The following SLC13A5 variants were observed in gnomAD, a reference collection of about 807,000 sequenced individuals.
SLC13A5 encodes solute carrier family 13 member 5, also known as Na(+)/citrate cotransporter.
In SLC13A5, 25 loss-of-function variants were observed where a neutral mutation model predicts 56.5. That is an observed-to-expected ratio of 0.44 (90% CI 0.32 to 0.62). SLC13A5 has a LOEUF of 0.62. Among genes scored for constraint, SLC13A5 ranks in the 20% least tolerant of loss-of-function variants. The pLI is 0.04. For missense variants in SLC13A5, 649 were observed against 737.8 expected, an observed-to-expected ratio of 0.88 and a Z score of 1.39; for synonymous variants, 307 against 301.5, an observed-to-expected ratio of 1.02 and a Z score of -0.19.
At position 6,685,260 on chromosome 17, in the gene SLC13A5, A is replaced by C. The variant is rs1043271494; in HGVS notation, c.*947T>G. 2 of 152,266 alleles carry C rather than the reference A, an allele frequency of 1.3e-5. No individual in the cohort carries two copies. The highest frequency in any genetic ancestry group is 6.5e-5 in the Admixed American group (1 of 15,290). The allele number at this position is 152,266 out of a possible 1,614,324, so 9.4% of individuals were successfully genotyped here. The stretch of plus-strand genomic sequence containing the variant: ...CTGTGTCCACTCTGGGCCTCAGGTG[A>C]GGGAGGGCCTAGATAGCCCACTGTG... On this transcript the variant is annotated 3_prime_UTR_variant, in exon 12 of 12. Coordinates refer to ENST00000433363, the MANE Select transcript of SLC13A5 (RefSeq NM_177550.5). This position sits in a 1 kb window ranked among gnomAD's most constrained non-coding sequence, Gnocchi z 4.2.
At chr17:6,699,088 T>A (rs1013669619) in intron 6 of SLC13A5, among the ~76,000 whole-genome samples, 1 of 87,074 alleles carries the variant, frequency 1.1e-5, no homozygotes, top group East Asian at 4.5e-4. Flanking sequence ...AATAAATAAA[T>A]AAAATAAAAT....
intron 1 of SLC13A5, among the ~76,000 whole-genome samples, chr17:6,710,960 A>T (rs1209223644): frequency 2.0e-5 from 3 of 152,062 alleles, no homozygotes; most frequent in African/African-American, 4.8e-5. Flanking sequence ...ATTTCATTAA[A>T]TTTTTTTTCA....
intron 3 of SLC13A5, chr17:6,704,292 G>T (rs973552352): frequency 1.5e-6 from 1 of 663,210 alleles, no homozygotes; most frequent in Non-Finnish European, 2.8e-6. Context: ...CATGACTGAT[G>T]TCTACTCTGC....
Position 6,703,049 on chromosome 17 carries a change from A to G in SLC13A5, c.637T>C (p.Cys213Arg), listed in dbSNP as rs746200244. 1 of 1,614,100 alleles carries G rather than the reference A, an allele frequency of 6.2e-7. No homozygotes were observed. Among genetic ancestry groups the G allele is most frequent in the African/African-American group, 1.3e-5 (1 of 74,950 alleles). ...RLCKAMTLCI[C>R]YAASIGGTAT... is the part of the protein sequence containing the mutation. The stretch of plus-strand genomic sequence containing the variant: ...GTGCCCCCGATGCTGGCCGCGTAGC[A>G]GATGCACAGGGTCATGGCCTTACAC... The change falls in exon 5 of 12, where the codon TGC (cysteine) becomes CGC (arginine). Residue 213 changes from cysteine (C) to arginine (R), a missense_variant. Coordinates refer to ENST00000433363, the MANE Select transcript of SLC13A5 (RefSeq NM_177550.5).
At position 6,686,567 on chromosome 17, in the gene SLC13A5, G is replaced by A. The variant is rs143233238; in HGVS notation, c.1576-229C>T. 101 of 499,564 alleles carry A rather than the reference G, an allele frequency of 2.0e-4. No individual in the cohort carries two copies. The East Asian group carries it at 2.3e-3, about 12-fold the overall frequency. 30.9% of individuals were successfully genotyped at this position (499,564 alleles called of 1,614,324 possible). ...GTGGATGGGTTCTCTATGCCCGTGC[G>A]CATTTGGAAAATGACCTCAGAGAAG... On this transcript the variant is annotated intron_variant, in intron 11 of 11. Transcript: ENST00000433363.
intron 1 of SLC13A5, among the ~76,000 whole-genome samples, chr17:6,712,435 C>T (rs1292847701): frequency 6.6e-6 from 1 of 152,244 alleles, no homozygotes; most frequent in Non-Finnish European, 1.5e-5. Flanking sequence ...GCGGCCAAGG[C>T]CATTCATTCT....
In SLC13A5 at chr17:6,701,938, C is replaced by A. The variant is rs904625736; in HGVS notation, c.717-812G>T. Among the ~76,000 whole-genome samples, 2 of 152,154 alleles carry A rather than the reference C, an allele frequency of 1.3e-5. No homozygotes were observed. Among genetic ancestry groups the A allele is most frequent in the East Asian group, 1.9e-4 (1 of 5,168 alleles). Reference sequence around the variant, plus strand: ...CCCGGGGCTCTGCTAGCCCCAGGGGCGCCCCCTTTAGCTCAAGAGTGTCAA... The same window carrying A: ...CCCGGGGCTCTGCTAGCCCCAGGGGAGCCCCCTTTAGCTCAAGAGTGTCAA... On this transcript the variant is annotated intron_variant, in intron 5 of 11. Coordinates refer to ENST00000433363, the MANE Select transcript of SLC13A5 (RefSeq NM_177550.5). This position sits in a 1 kb window ranked among gnomAD's most constrained non-coding sequence, Gnocchi z 4.1.
chr17:6,694,279 A>C (rs1973500278), intron 7 of SLC13A5, 82 bp from the exon 8 acceptor site: 10 of 804,566 alleles, frequency 1.2e-5, no homozygotes, highest in Non-Finnish European at 2.1e-5. Context: ...TTCTGTGTCC[A>C]AATGCTTCTA....
In SLC13A5 at chr17:6,684,910, A is replaced by G. The variant is rs1391852747; in HGVS notation, c.*1297T>C. 1 of 152,162 alleles carries G rather than the reference A, an allele frequency of 6.6e-6. No individual in the cohort carries two copies. Among genetic ancestry groups the G allele is most frequent in the Non-Finnish European group, 1.5e-5 (1 of 68,020 alleles). 9.4% of individuals were successfully genotyped at this position (152,162 alleles called of 1,614,324 possible). A position where few individuals can be genotyped will look rare whatever the true frequency, so the allele number is the denominator to read the frequency against. Reference sequence around the variant, plus strand: ...TACTGCCTCTCTTCCAGAGCAGCACAAGAAGGAAATAAAATGGACTTGCGG... The same window carrying G: ...TACTGCCTCTCTTCCAGAGCAGCACGAGAAGGAAATAAAATGGACTTGCGG... On this transcript the variant is annotated 3_prime_UTR_variant, in exon 12 of 12. Coordinates refer to ENST00000433363, the MANE Select transcript of SLC13A5 (RefSeq NM_177550.5).
intron 3 of SLC13A5, 116 bp downstream of exon 3, chr17:6,706,526 G>C (rs1973867556): frequency 1.4e-6 from 2 of 1,430,066 alleles, no homozygotes; most frequent in Admixed American, 2.4e-5. Flanking sequence ...GCCAAGTCCA[G>C]GTAAGCCCAT....
chr17:6,704,129 G>C, intron 3 of SLC13A5, 73 bp from the exon 4 acceptor site: 1 of 1,513,694 alleles, frequency 6.6e-7, no homozygotes, highest in South Asian at 1.2e-5. Context: ...AAGCAACTGG[G>C]GACTGGGTCC....
rs575087645 is a variant in SLC13A5 at position 6,708,993 on chromosome 17, C to CTTTTTTTTT, written c.103-1846_103-1838dup. Among the ~76,000 whole-genome samples, 378 of 132,982 alleles carry CTTTTTTTTT rather than the reference C, an allele frequency of 2.8e-3. 4 individuals are homozygous for CTTTTTTTTT. The highest frequency in any genetic ancestry group is 4.1e-3 in the Non-Finnish European group (259 of 62,996). 87.2% of individuals were successfully genotyped at this position (132,982 alleles called of 152,430 possible). On this transcript the variant is annotated intron_variant, in intron 1 of 11. Coordinates refer to ENST00000433363, the MANE Select transcript of SLC13A5 (RefSeq NM_177550.5). ...TTCTTTCTCTCTCGCTCTTTTATTT[C>CTTTTTTTTT]TTTTTTTTTTTTTTTGAGACAGGGT...
At chr17:6,686,562 C>T (rs1567612513) in intron 11 of SLC13A5, 2 of 526,354 alleles carry the variant, frequency 3.8e-6, no homozygotes, top group Non-Finnish European at 6.8e-6. Context: ...TCTCTATGCC[C>T]GTGCGCATTT....
chr17:6,691,736 C>G (rs1973410002), intron 9 of SLC13A5, among the ~76,000 whole-genome samples: 1 of 152,176 alleles, frequency 6.6e-6, no homozygotes, highest in South Asian at 2.1e-4. Flanking sequence ...AGCTAGTTCT[C>G]CTCCAAGCCC....
At chr17:6,706,881 C>G in intron 2 of SLC13A5, 103 bp from the exon 3 acceptor site, 1 of 1,565,836 alleles carries the variant, frequency 6.4e-7, no homozygotes, top group Non-Finnish European at 8.7e-7. Context: ...AGTGGGGATG[C>G]AGGCTCGAGT....
Position 6,686,351 on chromosome 17 carries a change from CAG to C in SLC13A5, c.1576-15_1576-14del, listed in dbSNP as rs765464557. Reference sequence around the variant, plus strand: ...CTCCTGTTTTCACCTGGAAAAGAGACAGAGTCAGCACCCTGAGGCCTGCTGGG... The same window carrying C: ...CTCCTGTTTTCACCTGGAAAAGAGACAGTCAGCACCCTGAGGCCTGCTGGG... On this transcript the variant is annotated splice_polypyrimidine_tract_variant and intron_variant, in intron 11 of 11. Coordinates refer to ENST00000433363, the MANE Select transcript of SLC13A5 (RefSeq NM_177550.5). 1.9e-6 allele frequency: 3 copies of C among 1,613,938 alleles called. No individual in the cohort carries two copies. In the Admixed American group the frequency reaches 5.0e-5, roughly 27 times the overall value.
At position 6,694,127 on chromosome 17, in the gene SLC13A5, T is replaced by C. The variant is rs1597661075; in HGVS notation, c.1126A>G (p.Lys376Glu). The C allele has an allele frequency of 1.2e-6, 2 of 1,613,648 alleles. No individual in the cohort carries two copies. The highest frequency in any genetic ancestry group is 1.7e-6 in the Non-Finnish European group (2 of 1,179,788). Residue 376 changes from lysine (K) to glutamate (E), a missense_variant, in exon 8 of 12, where the codon AAG becomes GAG. Physicochemically the swap from Lys to Glu is moderately conservative, Grantham distance 56 (BLOSUM62 1). Transcript: ENST00000433363. ...TCAGTCTGGCTGCGGAAGTTAAACT[T>C]GGGCTTCTGTGAAGGCACAATGAAT... ...LLFIVPSQKP[K>E]FNFRSQTEEE...
At chr17:6,705,914 T>C (rs1027068110) in intron 3 of SLC13A5, among the ~76,000 whole-genome samples, 24 of 152,212 alleles carry the variant, frequency 1.6e-4, no homozygotes, top group African/African-American at 5.5e-4. Flanking sequence ...CAAATCACTT[T>C]ATCCCTCTCT....
At chr17:6,712,174 G>C (rs551833908) in intron 1 of SLC13A5, among the ~76,000 whole-genome samples, 1 of 152,198 alleles carries the variant, frequency 6.6e-6, no homozygotes, top group African/African-American at 2.4e-5. Flanking sequence ...TTGCAGGTTG[G>C]CTTCCTGACA....
Sources: gnomAD v4.1 joint callset for allele counts (sites outside exome capture counted in the v4.1 genomes callset) on GRCh38, gnomAD v4.1.1 for gene constraint, Gnocchi (gnomAD v3.1) non-coding constraint, MANE v1.5 for transcripts, NCBI Gene and HGNC (gene_info 2026-07-23, HGNC 2026-07-21) for gene names.